Variants in DCHS1 observed in about 807,000 individuals in gnomAD.
The protein encoded by DCHS1 is dachsous cadherin-related 1.
DCHS1 carries 78 observed loss-of-function variants against 213.9 expected under a neutral mutation model. The ratio of observed to expected loss-of-function variants is 0.36; its 90% CI spans 0.30 to 0.44. The LOEUF (loss-of-function observed/expected upper bound fraction) is 0.44. Ranked by LOEUF, DCHS1 falls within the 20% of genes least tolerant of loss-of-function variation. DCHS1 has a pLI of 1.00. For synonymous variants in DCHS1, 1,828 were observed against 1,873.7 expected, an observed-to-expected ratio of 0.98 and a Z score of 0.63; for missense variants, 3,946 against 4,395.9, an observed-to-expected ratio of 0.90 and a Z score of 2.89.
intron 1 of DCHS1, among the ~76,000 whole-genome samples, chr11:6,654,699 T>G (rs545472914): frequency 6.6e-6 from 1 of 152,206 alleles, no homozygotes; most frequent in South Asian, 2.1e-4. Flanking sequence ...GGATGTGTGT[T>G]CCCTGGGACT....
chr11:6,626,789 C>G lies in DCHS1; in HGVS notation c.6250G>C (p.Gly2084Arg), dbSNP rs1394757760. 1 of 1,611,456 alleles carries G rather than the reference C, an allele frequency of 6.2e-7. No homozygotes were observed. Among genetic ancestry groups the G allele is most frequent in the Admixed American group, 1.7e-5 (1 of 60,002 alleles). ...EATIRENAPP[G>R]TPIVSPRAVH... ...CTGGAAGAAATGGCTGGGGACCCAC[C>G]TGGGGGCGCATTCTCACGAATCGTA... The change falls in exon 14 of 21, where the codon GGG becomes CGG. Residue 2084 changes from glycine to arginine, a missense_variant and splice_region_variant. Around this residue, in one of 3 missense-constraint regions of DCHS1, gnomAD observed 3,384 missense variants for 3,780.1 expected, o/e 0.90. Transcript: ENST00000299441. This position sits in a 1 kb window ranked among gnomAD's most constrained non-coding sequence, Gnocchi z 5.2.
intron 1 of DCHS1, among the ~76,000 whole-genome samples, chr11:6,642,456 G>A (rs1466228238): frequency 1.3e-5 from 2 of 152,186 alleles, no homozygotes; most frequent in Non-Finnish European, 2.9e-5. Flanking sequence ...GGGAGTCCGT[G>A]TTTTGCCTAG....
In DCHS1 at chr11:6,624,687, C is replaced by A. The variant is rs746802857; in HGVS notation, c.7285+43G>T. The A allele has an allele frequency of 1.9e-6, 3 of 1,612,658 alleles. No homozygotes were observed. In the Admixed American group the frequency reaches 5.0e-5, roughly 27 times the overall value. On this transcript the variant is annotated intron_variant, in intron 20 of 20. Coordinates refer to ENST00000299441, the MANE Select transcript of DCHS1 (RefSeq NM_003737.4). ...CAAGGAATGAGGTCAGATTACAGCC[C>A]AACACAGTCAAAGGCAAGGGGCAGA...
In DCHS1 at chr11:6,633,800, T is replaced by C; in HGVS notation, c.2207A>G (p.Asp736Gly). The C allele has an allele frequency of 6.2e-7, 1 of 1,613,408 alleles. No individual in the cohort carries two copies. The highest frequency in any genetic ancestry group is 8.5e-7 in the Non-Finnish European group (1 of 1,179,796). ...AGNSPPLFTL[D>G]EQSGLLTVAW... Reference sequence around the variant, plus strand: ...GGGAGGATCCTCACCTGATTGCTCATCCAAGGTAAAAAGTGGGGGGCTGTT... The same window carrying C: ...GGGAGGATCCTCACCTGATTGCTCACCCAAGGTAAAAAGTGGGGGGCTGTT... The change falls in exon 4 of 21, where the codon GAT becomes GGT. Residue 736 changes from aspartate to glycine, a missense_variant. Around this residue, in one of 3 missense-constraint regions of DCHS1, gnomAD observed 3,384 missense variants for 3,780.1 expected, o/e 0.90. Coordinates refer to ENST00000299441, the MANE Select transcript of DCHS1 (RefSeq NM_003737.4).
Position 6,623,441 on chromosome 11 carries a change from C to G in DCHS1, c.8235G>C (p.Leu2745=). Residue 2745 remains leucine, a synonymous_variant, in exon 21 of 21, where the codon CTG becomes CTC. Transcript: ENST00000299441. The stretch of plus-strand genomic sequence containing the variant: ...CCTCAGGTCCTGGCCCAGCCTCCAA[C>G]AGGCTGTAACGGAGCCTCCCAAAAG... ...AGAFGRLRYS[L]LEAGPGPEGR... 6.3e-7 allele frequency: 1 copy of G among 1,582,876 alleles called. No individual in the cohort carries two copies.
At position 6,632,730 on chromosome 11, in the gene DCHS1, G is replaced by A. The variant is rs749130997; in HGVS notation, c.2782C>T (p.Arg928Ter). The change falls in exon 6 of 21, where the codon CGA (arginine) becomes TGA (stop). Residue 928 changes from arginine to a stop codon, truncating the protein, a stop_gained. Transcript: ENST00000299441. LOFTEE classifies it high-confidence loss of function. This position sits in a 1 kb window ranked among gnomAD's most constrained non-coding sequence, Gnocchi z 5.9. ...CCAGCAAGCAGGGTAAAGGTGACTC[G>A]ACTGTTAACACCTGAGTCGGGGTCA... ...ALDPDSGVNS[R>*]VTFTLLAGGG... 3 of 1,607,446 alleles carry A rather than the reference G, an allele frequency of 1.9e-6. No individual in the cohort carries two copies. The highest frequency in any genetic ancestry group is 1.7e-6 in the Non-Finnish European group (2 of 1,176,868).
rs1291730447 is a variant in DCHS1 at position 6,626,089 on chromosome 11, A to C, written c.6577-15T>G. On this transcript the variant is annotated splice_polypyrimidine_tract_variant and intron_variant, in intron 16 of 20. Transcript: ENST00000299441. This position sits in a 1 kb window ranked among gnomAD's most constrained non-coding sequence, Gnocchi z 5.2. ...TCCGCCTCCACCTGGTGAGGGTAGG[A>C]GGCTGCTGGGACTGGTCTGGCCACA... The C allele has an allele frequency of 1.2e-6, 2 of 1,605,468 alleles. No homozygotes were observed. The highest frequency in any genetic ancestry group is 1.7e-5 in the Admixed American group (1 of 58,808).
intron 2 of DCHS1, among the ~76,000 whole-genome samples, chr11:6,635,978 T>G (rs1021914496): frequency 2.0e-5 from 3 of 152,182 alleles, no homozygotes; most frequent in Non-Finnish European, 4.4e-5. Flanking sequence ...CAGTCCGACC[T>G]TGGTCGGCTC....
rs1855888627 is a variant in DCHS1 at position 6,630,538 on chromosome 11, A to G, written c.4256T>C (p.Leu1419Pro). Reference protein sequence around the residue: ...AEGPGGAGARLLRVQVQVQDE... With the variant: ...AEGPGGAGARPLRVQVQVQDE... ...CTGCACTTGCACCTGCACTCGCAGC[A>G]GCCGCGCGCCCGCGCCTCCCGGCCC... The change falls in exon 10 of 21, where the codon CTG becomes CCG. Residue 1419 changes from leucine (L) to proline (P), a missense_variant. Physicochemically the swap from Leu to Pro is moderately conservative, Grantham distance 98. This residue lies in a region of DCHS1 where 3,384 missense variants were observed against 3,780.1 expected (regional missense o/e 0.90). Coordinates refer to ENST00000299441, the MANE Select transcript of DCHS1 (RefSeq NM_003737.4). The G allele has an allele frequency of 6.5e-7, 1 of 1,532,168 alleles. No homozygotes were observed. Among genetic ancestry groups the G allele is most frequent in the South Asian group, 1.2e-5 (1 of 84,200 alleles). 94.9% of individuals were successfully genotyped at this position (1,532,168 alleles called of 1,614,324 possible).
Position 6,625,832 on chromosome 11 carries a change from G to A in DCHS1, c.6731+88C>T. 1.3e-6 allele frequency: 2 copies of A among 1,579,722 alleles called. No individual in the cohort carries two copies. Among genetic ancestry groups the A allele is most frequent in the East Asian group, 2.3e-5 (1 of 43,932 alleles). On this transcript the variant is annotated intron_variant, in intron 17 of 20. Transcript: ENST00000299441. The surrounding 1 kb of genome is among the most constrained non-coding windows in gnomAD (Gnocchi z 5.3). Reference sequence around the variant, plus strand: ...AGCTTAGGGCTGGGGAATTCAGGATGTGGCCAAGGGACCAGATGAGTTCAA... The same window carrying A: ...AGCTTAGGGCTGGGGAATTCAGGATATGGCCAAGGGACCAGATGAGTTCAA...
chr11:6,632,023 G>T lies in DCHS1; in HGVS notation c.3481+8C>A. 6.6e-7 allele frequency: 1 copy of T among 1,504,640 alleles called. No homozygotes were observed. The highest frequency in any genetic ancestry group is 8.8e-7 in the Non-Finnish European group (1 of 1,130,412). 93.2% of individuals were successfully genotyped at this position (1,504,640 alleles called of 1,614,324 possible). A position where few individuals can be genotyped will look rare whatever the true frequency, so the allele number is the denominator to read the frequency against. ...ATGCGGTCTCAGGATTTGGGTCTCT[G>T]TGCTCACCAGTCTGGGGGTGGATGC... On this transcript the variant is annotated splice_region_variant and intron_variant, in intron 6 of 20. Transcript: ENST00000299441. This position sits in a 1 kb window ranked among gnomAD's most constrained non-coding sequence, Gnocchi z 5.9.
chr11:6,626,972 C>G lies in DCHS1; in HGVS notation c.6067G>C (p.Ala2023Pro), dbSNP rs757758841. ...GGGCCTAGAGCTACAGGAGAGCGGG[C>G]CACGCGGATTTCACCAGTGTAAGAG... Reference protein sequence around the residue: ...VDSYTGEIRVARSPVALGPRD... With the variant: ...VDSYTGEIRVPRSPVALGPRD... The change falls in exon 14 of 21, where the codon GCC becomes CCC. Residue 2023 changes from alanine (A) to proline (P), a missense_variant. Ala to Pro is a conservative substitution (Grantham distance 27). Transcript: ENST00000299441. The surrounding 1 kb of genome is among the most constrained non-coding windows in gnomAD (Gnocchi z 5.2). 6.2e-7 allele frequency: 1 copy of G among 1,613,552 alleles called. No individual in the cohort carries two copies. The highest frequency in any genetic ancestry group is 8.5e-7 in the Non-Finnish European group (1 of 1,179,880).
In DCHS1 at chr11:6,632,504, G is replaced by A; in HGVS notation, c.3008C>T (p.Pro1003Leu). 1 of 1,559,268 alleles carries A rather than the reference G, an allele frequency of 6.4e-7. No homozygotes were observed. Among genetic ancestry groups the A allele is most frequent in the Non-Finnish European group, 8.7e-7 (1 of 1,151,004 alleles). ...TRGLAPRFNS[P>L]TYRVDLPSGT... Reference sequence around the variant, plus strand: ...TGAGGGCAGGTCCACACGGTAGGTAGGGCTGTTGAATCGGGGAGCCAGCCC... The same window carrying A: ...TGAGGGCAGGTCCACACGGTAGGTAAGGCTGTTGAATCGGGGAGCCAGCCC... Residue 1003 changes from proline (P) to leucine (L), a missense_variant, in exon 6 of 21, where the codon CCT becomes CTT. Pro to Leu is a moderately conservative substitution (Grantham distance 98, BLOSUM62 -3). Transcript: ENST00000299441. This position sits in a 1 kb window ranked among gnomAD's most constrained non-coding sequence, Gnocchi z 5.9.
At position 6,621,695 on chromosome 11, in the gene DCHS1, G is replaced by A. The variant is rs1190362383; in HGVS notation, c.*84C>T. On this transcript the variant is annotated 3_prime_UTR_variant, in exon 21 of 21. Transcript: ENST00000299441. ...GCCTCCCCGTAGCCAGTCATAGTCCGAGGCTGCCCAGGGCAGGCTCAGAGT... is the reference window on the plus strand; with the variant it reads ...GCCTCCCCGTAGCCAGTCATAGTCCAAGGCTGCCCAGGGCAGGCTCAGAGT... The A allele has an allele frequency of 1.5e-5, 22 of 1,493,318 alleles. No homozygotes were observed. Among genetic ancestry groups the A allele is most frequent in the Admixed American group, 2.0e-5 (1 of 50,836 alleles). 92.5% of individuals were successfully genotyped at this position (1,493,318 alleles called of 1,614,324 possible).
chr11:6,630,406 G>A lies in DCHS1; in HGVS notation c.4388C>T (p.Ala1463Val). The change falls in exon 10 of 21, where the codon GCC becomes GTC. Residue 1463 changes from alanine (A) to valine (V), a missense_variant. Ala to Val is a moderately conservative substitution (Grantham distance 64). Around this residue, in one of 3 missense-constraint regions of DCHS1, gnomAD observed 3,384 missense variants for 3,780.1 expected, o/e 0.90. Coordinates refer to ENST00000299441, the MANE Select transcript of DCHS1 (RefSeq NM_003737.4). ...AALYTFRASD[A>V]DGPGPNSDVR... Reference sequence around the variant, plus strand: ...GTCGCTATTGGGGCCGGGGCCGTCGGCGTCCGACGCGCGGAAAGTGTACAG... The same window carrying A: ...GTCGCTATTGGGGCCGGGGCCGTCGACGTCCGACGCGCGGAAAGTGTACAG... 7.0e-7 allele frequency: 1 copy of A among 1,429,580 alleles called. No individual in the cohort carries two copies. Among genetic ancestry groups the A allele is most frequent in the Non-Finnish European group, 9.1e-7 (1 of 1,096,736 alleles). The allele number at this position is 1,429,580 out of a possible 1,614,324, so 88.6% of individuals were successfully genotyped here. A position where few individuals can be genotyped will look rare whatever the true frequency, so the allele number is the denominator to read the frequency against.
rs761279898 is a variant in DCHS1, at chr11:6,626,376, G to A, written c.6369C>T (p.Ala2123=). The A allele has an allele frequency of 1.2e-6, 2 of 1,613,126 alleles. No homozygotes were observed. Among genetic ancestry groups the A allele is most frequent in the Non-Finnish European group, 1.7e-6 (2 of 1,179,516 alleles). ...GTFSIQPSTG[A]ITVRSAEGLD... is the part of the protein sequence containing the mutation. ...GCCCCTCTGCTGAGCGAACTGTGATGGCACCTGGGCGAGATAGAATGCATC... is the reference window on the plus strand; with the variant it reads ...GCCCCTCTGCTGAGCGAACTGTGATAGCACCTGGGCGAGATAGAATGCATC... Residue 2123 remains alanine (A), a synonymous_variant, in exon 16 of 21, where the codon GCC becomes GCT. Coordinates refer to ENST00000299441, the MANE Select transcript of DCHS1 (RefSeq NM_003737.4). This position sits in a 1 kb window ranked among gnomAD's most constrained non-coding sequence, Gnocchi z 5.2.
rs1456000989 is a variant in DCHS1, at chr11:6,622,026, G to C, written c.9650C>G (p.Pro3217Arg). The change falls in exon 21 of 21, where the codon CCC (proline) becomes CGC (arginine). Residue 3217 changes from proline (P) to arginine (R), a missense_variant. Around this residue, in one of 3 missense-constraint regions of DCHS1, gnomAD observed 554 missense variants for 590.2 expected, o/e 0.94. Transcript: ENST00000299441. This position sits in a 1 kb window ranked among gnomAD's most constrained non-coding sequence, Gnocchi z 5.4. ...TGCAGCTGTGTTTGCTGGCTTGGGG[G>C]GCACAGACTTGGCTCCTGGGTGGGC... is the stretch of plus-strand genomic sequence containing the variant. ...AVAHPGAKSV[P>R]PKPANTAAAR... 1 of 1,613,192 alleles carries C rather than the reference G, an allele frequency of 6.2e-7. No individual in the cohort carries two copies. The highest frequency in any genetic ancestry group is 8.5e-7 in the Non-Finnish European group (1 of 1,179,758).
chr11:6,630,565 T>A lies in DCHS1; in HGVS notation c.4229A>T (p.Glu1410Val). 1 of 1,539,388 alleles carries A rather than the reference T, an allele frequency of 6.5e-7. No individual in the cohort carries two copies. Among genetic ancestry groups the A allele is most frequent in the African/African-American group, 1.4e-5 (1 of 72,352 alleles). Residue 1410 changes from glutamate to valine, a missense_variant, in exon 10 of 21, where the codon GAG becomes GTG. Physicochemically the swap from Glu to Val is moderately radical, Grantham distance 121. This residue lies in a region of DCHS1 where 3,384 missense variants were observed against 3,780.1 expected (regional missense o/e 0.90). Coordinates refer to ENST00000299441, the MANE Select transcript of DCHS1 (RefSeq NM_003737.4). Reference sequence around the variant, plus strand: ...CCGCGCGCCCGCGCCTCCCGGCCCCTCAGCGCGTACCGTAAGCGCGCGCCA... The same window carrying A: ...CCGCGCGCCCGCGCCTCCCGGCCCCACAGCGCGTACCGTAAGCGCGCGCCA... ...PPWRALTVRA[E>V]GPGGAGARLL...
At chr11:6,655,244 GAC>G (rs1231703801) in intron 1 of DCHS1, among the ~76,000 whole-genome samples, 1 of 151,756 alleles carries the variant, frequency 6.6e-6, no homozygotes, top group Non-Finnish European at 1.5e-5. Context: ...GACGCCCAGG[GAC>G]ACACAACCTC....
Sources: allele counts gnomAD v4.1 joint callset (sites outside exome capture counted in the v4.1 genomes callset), GRCh38; gene constraint gnomAD v4.1.1; regional missense constraint gnomAD v4.1.1; non-coding constraint Gnocchi (gnomAD v3.1); transcripts MANE v1.5; gene names NCBI Gene and HGNC (gene_info 2026-07-23, HGNC 2026-07-21).